Variants in CACNG3 observed in about 807,000 individuals in gnomAD.
CACNG3 encodes calcium voltage-gated channel auxiliary subunit gamma 3.
In CACNG3, 3 loss-of-function variants were observed where a neutral mutation model predicts 28.5. The ratio of observed to expected loss-of-function variants is 0.11; its 90% CI spans 0.05 to 0.27. CACNG3 has a LOEUF of 0.27. Ranked by LOEUF, CACNG3 falls within the 10% of genes least tolerant of loss-of-function variation. The probability of loss-of-function intolerance (pLI) is 1.00; values close to 1 mark genes in which losing one functional copy is unlikely to be tolerated. For missense variants in CACNG3, 236 were observed against 414.4 expected (o/e 0.57, Z 3.74); for synonymous variants, 174 against 162.2 (o/e 1.07, Z -0.55).
At chr16:24,286,407 GACACACAC>G (rs34888406) in intron 1 of CACNG3, among the ~76,000 whole-genome samples, 5 of 136,404 alleles carry the variant, frequency 3.7e-5, no homozygotes, top group Non-Finnish European at 5.0e-5. Context: ...TTAAATGAAG[GACACACAC>G]ACACACACAC....
intron 1 of CACNG3, among the ~76,000 whole-genome samples, chr16:24,269,599 T>G (rs1378814327): frequency 5.9e-5 from 9 of 151,778 alleles, no homozygotes; most frequent in Admixed American, 5.3e-4. Context: ...ATAGAAAAAT[T>G]AGCCCAGTGT....
chr16:24,274,458 G>C (rs534687466), intron 1 of CACNG3, among the ~76,000 whole-genome samples: 8 of 152,200 alleles, frequency 5.3e-5, no homozygotes, highest in Non-Finnish European at 8.8e-5. Context: ...GGGATAAATA[G>C]ATTGGACAGA....
intron 1 of CACNG3, among the ~76,000 whole-genome samples, chr16:24,332,835 C>T (rs9939784): frequency 4.6e-5 from 7 of 152,142 alleles, no homozygotes; most frequent in African/African-American, 9.7e-5. Flanking sequence ...CTGCAATTCG[C>T]GGTTTTTGTC....
intron 1 of CACNG3, among the ~76,000 whole-genome samples, chr16:24,335,936 A>C (rs1430588319): frequency 2.2e-4 from 2 of 9,054 alleles, no homozygotes; most frequent in African/African-American, 8.1e-4. Context: ...AATAAAAAAC[A>C]AAAAAAAAAT....
At chr16:24,310,292 A>G (rs1260423262) in intron 1 of CACNG3, among the ~76,000 whole-genome samples, 3 of 152,216 alleles carry the variant, frequency 2.0e-5, no homozygotes, top group East Asian at 1.9e-4. Context: ...AGCTGGGCAC[A>G]GTGGCTCACG....
chr16:24,268,619 T>C (rs1247709920), intron 1 of CACNG3, among the ~76,000 whole-genome samples: 3 of 152,254 alleles, frequency 2.0e-5, no homozygotes, highest in South Asian at 2.1e-4. Flanking sequence ...AGCACTAGGC[T>C]GTGAAGAAAT....
intron 1 of CACNG3, among the ~76,000 whole-genome samples, chr16:24,265,357 A>G (rs1898587981): frequency 6.6e-6 from 1 of 150,422 alleles, no homozygotes; most frequent in Non-Finnish European, 1.5e-5. Context: ...AAAGGAAAGA[A>G]AGAAAGAAAG....
chr16:24,260,988 T>C (rs1337847642), intron 1 of CACNG3, among the ~76,000 whole-genome samples: 2 of 152,246 alleles, frequency 1.3e-5, no homozygotes, highest in Non-Finnish European at 2.9e-5. Flanking sequence ...TGTATTTAGA[T>C]AGCAGAAAGA....
chr16:24,275,492 G>A (rs188061209), intron 1 of CACNG3, among the ~76,000 whole-genome samples: 6 of 152,204 alleles, frequency 3.9e-5, no homozygotes, highest in Admixed American at 3.9e-4. Flanking sequence ...GCCAGAGTAT[G>A]CTAGTGGTCT....
chr16:24,266,759 G>A (rs1019905090), intron 1 of CACNG3, among the ~76,000 whole-genome samples: 1 of 152,138 alleles, frequency 6.6e-6, no homozygotes, highest in African/African-American at 2.4e-5. Flanking sequence ...CTGCAAGGCA[G>A]GAACCCCACC....
intron 2 of CACNG3, among the ~76,000 whole-genome samples, chr16:24,352,545 G>T (rs1369874004): frequency 4.0e-5 from 6 of 150,658 alleles, no homozygotes; most frequent in Admixed American, 1.3e-4. Flanking sequence ...TTGTTTGTTT[G>T]TTTGTTTGTT....
At chr16:24,316,406 G>C (rs1400544528) in intron 1 of CACNG3, among the ~76,000 whole-genome samples, 2 of 151,708 alleles carry the variant, frequency 1.3e-5, no homozygotes, top group East Asian at 1.9e-4. Context: ...CCAAATGTCC[G>C]GCACACTGAG....
At chr16:24,289,665 G>T (rs1485662186) in intron 1 of CACNG3, among the ~76,000 whole-genome samples, 6 of 152,214 alleles carry the variant, frequency 3.9e-5, no homozygotes, top group Non-Finnish European at 5.9e-5. Context: ...GGTAGTCCAT[G>T]AAGGTACCCC....
chr16:24,323,685 C>T (rs947792696), intron 1 of CACNG3, among the ~76,000 whole-genome samples: 1 of 152,174 alleles, frequency 6.6e-6, no homozygotes, highest in African/African-American at 2.4e-5. Flanking sequence ...ATATAATAGA[C>T]AAATGGAGTC....
chr16:24,316,753 G>A (rs1899357552), intron 1 of CACNG3, among the ~76,000 whole-genome samples: 1 of 152,196 alleles, frequency 6.6e-6, no homozygotes, highest in Non-Finnish European at 1.5e-5. Flanking sequence ...GAGTGACACG[G>A]TTTGGCCCAG....
intron 1 of CACNG3, among the ~76,000 whole-genome samples, chr16:24,283,764 G>A (rs778663884): frequency 4.6e-5 from 7 of 152,142 alleles, no homozygotes; most frequent in Non-Finnish European, 8.8e-5. Context: ...TTCTCAAAGT[G>A]TGATCACAGA....
Position 24,283,452 on chromosome 16 carries a change from T to A in CACNG3, c.211+26487T>A, listed in dbSNP as rs1422272974. Among the ~76,000 whole-genome samples, 8 of 152,192 alleles carry A rather than the reference T, an allele frequency of 5.3e-5. No homozygotes were observed. In the East Asian group the frequency reaches 1.5e-3, roughly 29 times the overall value. Reference sequence around the variant, plus strand: ...CATTATTTCTAGGTAGTTTTTATGTTTTTTGTTTACTCACATTAATGGATG... The same window carrying A: ...CATTATTTCTAGGTAGTTTTTATGTATTTTGTTTACTCACATTAATGGATG... On this transcript the variant is annotated intron_variant, in intron 1 of 3. Coordinates refer to ENST00000005284, the MANE Select transcript of CACNG3 (RefSeq NM_006539.4).
chr16:24,354,686 C>G, intron 2 of CACNG3, 147 bp from the exon 3 acceptor site: 2 of 731,506 alleles, frequency 2.7e-6, no homozygotes, highest in Non-Finnish European at 4.5e-6. Context: ...AAGCACAGGC[C>G]CTGAGCGCCT....
Position 24,361,545 on chromosome 16 carries a change from A to G in CACNG3, c.630A>G (p.Lys210=). The G allele has an allele frequency of 1.2e-6, 2 of 1,613,920 alleles. No individual in the cohort carries two copies. The highest frequency in any genetic ancestry group is 1.7e-6 in the Non-Finnish European group (2 of 1,179,954). ...YIEKHQQLRA[K]SHSEFLKKST... is the part of the protein sequence containing the mutation. ...AAAAACATCAGCAGTTACGAGCCAA[A>G]TCCCACTCGGAGTTCCTGAAGAAAT... Residue 210 remains lysine, a synonymous_variant, in exon 4 of 4, where the codon AAA becomes AAG. Coordinates refer to ENST00000005284, the MANE Select transcript of CACNG3 (RefSeq NM_006539.4). This position sits in a 1 kb window ranked among gnomAD's most constrained non-coding sequence, Gnocchi z 6.8.
Sources: allele counts gnomAD v4.1 joint callset (sites outside exome capture counted in the v4.1 genomes callset), GRCh38; gene constraint gnomAD v4.1.1; non-coding constraint Gnocchi (gnomAD v3.1); transcripts MANE v1.5; gene names NCBI Gene and HGNC (gene_info 2026-07-23, HGNC 2026-07-21).